The following SRGAP2 variants were observed in gnomAD, a reference collection of about 807,000 sequenced individuals.
SRGAP2 encodes SLIT-ROBO Rho GTPase activating protein 2.
In SRGAP2, 15 loss-of-function variants were observed where a neutral mutation model predicts 57.2. The ratio of observed to expected loss-of-function variants is 0.26; its 90% CI spans 0.18 to 0.40. The LOEUF (loss-of-function observed/expected upper bound fraction) is 0.40. Ranked by LOEUF, SRGAP2 falls within the 10% of genes least tolerant of loss-of-function variation. SRGAP2 has a pLI of 1.00. For synonymous variants in SRGAP2, 249 were observed against 248.0 expected, an observed-to-expected ratio of 1.00 and a Z score of -0.04; for missense variants, 520 against 669.6, an observed-to-expected ratio of 0.78 and a Z score of 2.47.
chr1:206,449,286 A>AT (rs35698284), intron 18 of SRGAP2, among the ~76,000 whole-genome samples: 4,183 of 110,620 alleles, frequency 0.038, 303 homozygotes, highest in African/African-American at 0.12. Flanking sequence ...ACACTGGATG[A>AT]TTTTTTTTTT....
At chr1:206,443,290 C>T (rs1377446542) in intron 17 of SRGAP2, among the ~76,000 whole-genome samples, 2 of 152,110 alleles carry the variant, frequency 1.3e-5, no homozygotes, top group African/African-American at 2.4e-5. Context: ...CAAGTCGACA[C>T]CAAAAATTTT....
chr1:206,437,092 G>T, intron 15 of SRGAP2, 50 bp downstream of exon 15: 2 of 778,836 alleles, frequency 2.6e-6, no homozygotes, highest in South Asian at 1.3e-5. Flanking sequence ...AGCCCCCTGG[G>T]GTATTGGCTC....
chr1:206,360,296 GACCTTGTAC>G (rs1676811403), intron 4 of SRGAP2, among the ~76,000 whole-genome samples: 1 of 148,238 alleles, frequency 6.7e-6, no homozygotes, highest in Admixed American at 6.8e-5. Flanking sequence ...ACAGTAAGGA[GACCTTGTAC>G]AGAGTAGGCA....
intron 14 of SRGAP2, among the ~76,000 whole-genome samples, chr1:206,432,753 G>A (rs956423095): frequency 6.6e-6 from 1 of 152,198 alleles, no homozygotes; most frequent in African/African-American, 2.4e-5. Flanking sequence ...AGTTGAAAAT[G>A]TACTCAATAT....
chr1:206,247,478 G>T (rs2102571010), intron 2 of SRGAP2, among the ~76,000 whole-genome samples: 1 of 152,010 alleles, frequency 6.6e-6, no homozygotes, highest in South Asian at 2.1e-4. Flanking sequence ...CTGTGGGGGT[G>T]TTTCTAAGAG....
chr1:206,418,689 C>T (rs759569325), intron 11 of SRGAP2, among the ~76,000 whole-genome samples: 11 of 152,022 alleles, frequency 7.2e-5, no homozygotes, highest in Non-Finnish European at 1.2e-4. Context: ...CTAGCAATGA[C>T]CCATTAAACT....
chr1:206,244,153 C>T (rs1668402893), intron 2 of SRGAP2, among the ~76,000 whole-genome samples: 1 of 74,712 alleles, frequency 1.3e-5, no homozygotes, highest in Non-Finnish European at 2.4e-5. Flanking sequence ...TTGTCACTGC[C>T]ACTGTTACTG....
intron 13 of SRGAP2, among the ~76,000 whole-genome samples, chr1:206,428,786 G>T (rs1054332474): frequency 1.3e-5 from 2 of 151,976 alleles, no homozygotes; most frequent in African/African-American, 2.4e-5. Flanking sequence ...CCTCAGCCTC[G>T]CAAGTAGCTG....
chr1:206,286,263 G>A (rs1671017693), intron 2 of SRGAP2, among the ~76,000 whole-genome samples: 1 of 151,426 alleles, frequency 6.6e-6, no homozygotes, highest in Admixed American at 6.6e-5. Context: ...AAAAACACTT[G>A]TCAAAATATA....
intron 21 of SRGAP2, among the ~76,000 whole-genome samples, chr1:206,456,624 A>T (rs1241669519): frequency 6.6e-6 from 1 of 152,214 alleles, no homozygotes; most frequent in Non-Finnish European, 1.5e-5. Flanking sequence ...AAGAAAAAAA[A>T]AGAGTATCTG....
chr1:206,394,743 C>T (rs1553352842), intron 7 of SRGAP2, among the ~76,000 whole-genome samples: 2 of 151,920 alleles, frequency 1.3e-5, no homozygotes, highest in East Asian at 3.8e-4. Context: ...TGTTTTTTGC[C>T]TGTGAGTTAT....
At chr1:206,280,144 A>G (rs1229665771) in intron 2 of SRGAP2, among the ~76,000 whole-genome samples, 2 of 151,106 alleles carry the variant, frequency 1.3e-5, no homozygotes, top group South Asian at 2.1e-4. Context: ...ACAAGGTTTC[A>G]CTATGTTGCC....
chr1:206,292,988 ATG>A (rs1386675375), intron 2 of SRGAP2, among the ~76,000 whole-genome samples: 1 of 152,030 alleles, frequency 6.6e-6, no homozygotes, highest in Non-Finnish European at 1.5e-5. Context: ...ACTTGAAACA[ATG>A]TGCCAGTACT....
intron 4 of SRGAP2, among the ~76,000 whole-genome samples, chr1:206,356,592 A>G (rs1676454180): frequency 1.3e-5 from 2 of 152,168 alleles, no homozygotes; most frequent in South Asian, 4.1e-4. Flanking sequence ...TTGTCCAGAG[A>G]GAGAGTAGCA....
chr1:206,437,954 T>A lies in SRGAP2; in HGVS notation c.1634-10T>A, dbSNP rs782372164. 1.3e-6 allele frequency: 1 copy of A among 780,620 alleles called. No homozygotes were observed. Among genetic ancestry groups the A allele is most frequent in the Non-Finnish European group, 2.4e-6 (1 of 417,902 alleles). The allele number at this position is 780,620 out of a possible 1,614,324, so 48.4% of individuals were successfully genotyped here. A position where few individuals can be genotyped will look rare whatever the true frequency, so the allele number is the denominator to read the frequency against. On this transcript the variant is annotated splice_polypyrimidine_tract_variant and intron_variant, in intron 15 of 22. Transcript: ENST00000573034. ...TCTCTTTCCTTTTCGTGGGGGTTGC[T>A]TATCCTCAGGAGAGGACCCCCTGGC... is the stretch of plus-strand genomic sequence containing the variant.
intron 17 of SRGAP2, among the ~76,000 whole-genome samples, chr1:206,442,941 T>C (rs1290424158): frequency 2.6e-5 from 4 of 152,312 alleles, no homozygotes; most frequent in Middle Eastern, 3.4e-3. Context: ...TGGCTACTGT[T>C]TGTTCTTGGA....
intron 2 of SRGAP2, among the ~76,000 whole-genome samples, chr1:206,242,078 T>G (rs1382158849): frequency 2.0e-5 from 3 of 151,014 alleles, no homozygotes; most frequent in African/African-American, 7.3e-5. Flanking sequence ...TTTGGCTTTT[T>G]TTGAACTCAT....
At chr1:206,380,963 T>G (rs1655648158) in intron 4 of SRGAP2, among the ~76,000 whole-genome samples, 1 of 151,016 alleles carries the variant, frequency 6.6e-6, no homozygotes, top group African/African-American at 2.4e-5. Flanking sequence ...GGCAATTTCC[T>G]GCCTCTGGCC....
intron 3 of SRGAP2, chr1:206,333,263 G>A: frequency 8.7e-7 from 1 of 1,150,342 alleles, no homozygotes; most frequent in Non-Finnish European, 1.3e-6. Context: ...CTCACGCTGG[G>A]AGCTGTAGAC....
Sources: allele counts gnomAD v4.1 joint callset (sites outside exome capture counted in the v4.1 genomes callset), GRCh38; gene constraint gnomAD v4.1.1; transcripts MANE v1.5; gene names NCBI Gene and HGNC (gene_info 2026-07-23, HGNC 2026-07-21).